The following MALRD1 variants were observed in gnomAD, a reference collection of about 807,000 sequenced individuals.
The protein encoded by MALRD1 is MAM and LDL-receptor class A domain-containing protein 1.
A neutral mutation model predicts 242.1 loss-of-function variants in MALRD1; 247 were observed. The observed-to-expected ratio is 1.02, with a 90% CI of 0.92 to 1.13. The LOEUF is 1.13. MALRD1 is among the 50% of genes most tolerant of loss of function. MALRD1 has a pLI of 0.00. For synonymous variants in MALRD1, 995 were observed against 866.6 expected, an observed-to-expected ratio of 1.15 and a Z score of -2.60; for missense variants, 2,989 against 2,533.1, an observed-to-expected ratio of 1.18 and a Z score of -3.86.
intron 28 of MALRD1, among the ~76,000 whole-genome samples, chr10:19,416,962 A>T (rs1018135589): frequency 1.3e-5 from 2 of 152,240 alleles, no homozygotes; most frequent in African/African-American, 4.8e-5. Context: ...GGTGATGAAC[A>T]CTTCGCTACC....
chr10:19,195,776 A>T (rs748362992), intron 14 of MALRD1, among the ~76,000 whole-genome samples: 27 of 151,810 alleles, frequency 1.8e-4, no homozygotes, highest in Non-Finnish European at 3.4e-4. Context: ...ACAAGCAAAA[A>T]CCCAGTGACA....
intron 29 of MALRD1, among the ~76,000 whole-genome samples, chr10:19,453,771 C>G (rs527764701): frequency 1.1e-4 from 17 of 151,874 alleles, no homozygotes; most frequent in African/African-American, 3.6e-4. Flanking sequence ...AGCTACTCAG[C>G]AGGCTGAGGC....
chr10:19,417,109 T>C (rs1401473419), intron 28 of MALRD1, among the ~76,000 whole-genome samples: 2 of 152,168 alleles, frequency 1.3e-5, no homozygotes, highest in African/African-American at 4.8e-5. Flanking sequence ...TTTATTCTTA[T>C]CTCTTTTTCC....
intron 32 of MALRD1, among the ~76,000 whole-genome samples, chr10:19,542,983 T>C (rs1012381930): frequency 2.0e-5 from 3 of 152,218 alleles, no homozygotes; most frequent in Non-Finnish European, 4.4e-5. Context: ...ATGGAAATCC[T>C]GTATTATTTG....
At position 19,734,326 on chromosome 10, in the gene MALRD1, G is replaced by A. The variant is rs1835409249; in HGVS notation, c.*89G>A. 1.8e-6 allele frequency: 2 copies of A among 1,083,466 alleles called. No individual in the cohort carries two copies. Among genetic ancestry groups the A allele is most frequent in the South Asian group, 2.9e-5 (2 of 67,814 alleles). The allele number at this position is 1,083,466 out of a possible 1,614,324, so 67.1% of individuals were successfully genotyped here. On this transcript the variant is annotated 3_prime_UTR_variant, in exon 40 of 40. Transcript: ENST00000454679. ...TGATAGAAACTCATCTTCTACAATG[G>A]TAAAAAGAGAAAGGATTGTAAATGC...
chr10:19,063,455 T>C (rs1834881481), intron 1 of MALRD1, among the ~76,000 whole-genome samples: 1 of 152,152 alleles, frequency 6.6e-6, no homozygotes, highest in Non-Finnish European at 1.5e-5. Flanking sequence ...TCTTCACCAT[T>C]ACTACAATGA....
At chr10:19,558,911 C>T (rs1010661099) in intron 32 of MALRD1, among the ~76,000 whole-genome samples, 5 of 151,834 alleles carry the variant, frequency 3.3e-5, no homozygotes, top group Admixed American at 6.6e-5. Flanking sequence ...TGGCTGGGTG[C>T]GGTGGCTCAC....
intron 29 of MALRD1, among the ~76,000 whole-genome samples, chr10:19,454,155 C>G (rs11812133): frequency 0.057 from 8,651 of 151,866 alleles, 805 homozygotes; most frequent in African/African-American, 0.2. Flanking sequence ...AGTCAGAGAA[C>G]CTAATTAGCA....
chr10:19,148,109 G>A (rs1484146909), intron 11 of MALRD1, among the ~76,000 whole-genome samples: 1 of 152,134 alleles, frequency 6.6e-6, no homozygotes, highest in African/African-American at 2.4e-5. Flanking sequence ...TGTTGTGTCT[G>A]AGATGAGGAG....
In MALRD1 at chr10:19,389,496, G is replaced by A. The variant is rs116540484; in HGVS notation, c.4732G>A (p.Asp1578Asn). 1.3e-4 allele frequency: 202 copies of A among 1,550,540 alleles called. No individual in the cohort carries two copies. In the African/African-American group the frequency reaches 2.1e-3, roughly 16 times the overall value. The change falls in exon 28 of 40, where the codon GAC becomes AAC. Residue 1578 changes from aspartate (D) to asparagine (N), a missense_variant. Transcript: ENST00000454679. ...LEATAVGLRG[D>N]KAHFRSTMWR... ...AGCTACTGCAGTGGGCCTTCGGGGT[G>A]ACAAAGCACACTTCAGGAGTACCAT...
intron 38 of MALRD1, among the ~76,000 whole-genome samples, chr10:19,705,580 G>C (rs2131856979): frequency 6.6e-6 from 1 of 152,154 alleles, no homozygotes; most frequent in East Asian, 1.9e-4. Context: ...GCAAGAAAAG[G>C]GAAATTGAGT....
intron 14 of MALRD1, among the ~76,000 whole-genome samples, chr10:19,198,394 C>T (rs956460713): frequency 2.6e-5 from 4 of 152,154 alleles, no homozygotes; most frequent in East Asian, 3.8e-4. Context: ...CTTGTATCAC[C>T]GCTAAAGAGG....
chr10:19,443,704 G>A (rs1226455554), intron 28 of MALRD1, among the ~76,000 whole-genome samples: 2 of 152,144 alleles, frequency 1.3e-5, no homozygotes, highest in African/African-American at 4.8e-5. Context: ...TATAATTTCT[G>A]TTCTTTTACA....
chr10:19,063,029 C>A (rs1196065539), intron 1 of MALRD1, among the ~76,000 whole-genome samples: 2 of 151,920 alleles, frequency 1.3e-5, no homozygotes, highest in African/African-American at 4.8e-5. Flanking sequence ...CCTGTAGTTC[C>A]AGCTACTTGA....
intron 38 of MALRD1, among the ~76,000 whole-genome samples, chr10:19,703,465 A>G (rs939249120): frequency 3.9e-5 from 6 of 152,166 alleles, no homozygotes; most frequent in Non-Finnish European, 5.9e-5. Flanking sequence ...TTCTACATCT[A>G]TCCTCATGGC....
At chr10:19,216,059 A>C (rs1189636426) in intron 18 of MALRD1, among the ~76,000 whole-genome samples, 1 of 151,218 alleles carries the variant, frequency 6.6e-6, no homozygotes, top group Non-Finnish European at 1.5e-5. Context: ...AAATAAGAGT[A>C]GCTTCTGCTG....
At chr10:19,676,555 G>A (rs745476107) in intron 36 of MALRD1, among the ~76,000 whole-genome samples, 2 of 152,152 alleles carry the variant, frequency 1.3e-5, no homozygotes, top group Non-Finnish European at 2.9e-5. Flanking sequence ...TTTGAATAAT[G>A]CAGCCAAATG....
At chr10:19,117,152 T>C (rs1489377234) in intron 5 of MALRD1, among the ~76,000 whole-genome samples, 3 of 150,900 alleles carry the variant, frequency 2.0e-5, no homozygotes, top group African/African-American at 7.3e-5. Context: ...GAAGGGAGAA[T>C]TAATATGAGT....
chr10:19,051,177 A>G (rs184273331), intron 1 of MALRD1, among the ~76,000 whole-genome samples: 43 of 152,288 alleles, frequency 2.8e-4, no homozygotes, highest in African/African-American at 9.9e-4. Context: ...GGAAGAAACT[A>G]TTGTGAAGAA....
Sources: gnomAD v4.1 joint callset for allele counts (sites outside exome capture counted in the v4.1 genomes callset) on GRCh38, gnomAD v4.1.1 for gene constraint, MANE v1.5 for transcripts, NCBI Gene and HGNC (gene_info 2026-07-23, HGNC 2026-07-21) for gene names.